CRACD: variants seen among roughly 807,000 people sequenced by gnomAD.
The protein encoded by CRACD is capping protein-inhibiting regulator of actin dynamics.
A neutral mutation model predicts 106.8 loss-of-function variants in CRACD; 56 were observed. That is an observed-to-expected ratio of 0.52 (90% CI 0.42 to 0.66). The LOEUF is 0.66. Ranked by LOEUF, CRACD falls within the 30% of genes least tolerant of loss-of-function variation. CRACD has a pLI of 0.00. For synonymous variants in CRACD, 754 were observed against 670.8 expected (o/e 1.12, Z -1.92); for missense variants, 1,730 against 1,623.2 (o/e 1.07, Z -1.13).
Position 56,267,313 on chromosome 4 carries a change from G to C in CRACD, c.-188-5008G>C, listed in dbSNP as rs544667502. 8.0e-4 allele frequency among the ~76,000 whole-genome samples: 121 copies of C among 151,956 alleles called. No homozygotes were observed. The South Asian group carries it at 8.9e-3, about 11-fold the overall frequency. Reference sequence around the variant, plus strand: ...TTTTTTTTGTATTTTTAGTAGAGACGGTGTTTCACGATGTTGGCCAGGCTG... The same window carrying C: ...TTTTTTTTGTATTTTTAGTAGAGACCGTGTTTCACGATGTTGGCCAGGCTG... On this transcript the variant is annotated intron_variant, in intron 2 of 10. Coordinates refer to ENST00000682029, the MANE Select transcript of CRACD (RefSeq NM_001393381.1).
At chr4:56,257,801 G>C (rs4865085) in intron 2 of CRACD, among the ~76,000 whole-genome samples, 49,548 of 152,044 alleles carry the variant, frequency 0.33, 9,104 homozygotes, top group Middle Eastern at 0.48. Context: ...GCCGGCCATG[G>C]TGGCTCACGC....
At chr4:56,095,658 G>A (rs1047064921) in intron 1 of CRACD, among the ~76,000 whole-genome samples, 13 of 152,164 alleles carry the variant, frequency 8.5e-5, no homozygotes, top group African/African-American at 2.9e-4. Flanking sequence ...AGTGGTAGAA[G>A]ATGAGGTAAC....
At position 56,327,662 on chromosome 4, in the gene CRACD, C is replaced by T; in HGVS notation, c.3560C>T (p.Ala1187Val). The change falls in exon 11 of 11, where the codon GCT (alanine) becomes GTT (valine). Residue 1187 changes from alanine (A) to valine (V), a missense_variant. By Grantham distance (64) the Ala-to-Val change is moderately conservative. Transcript: ENST00000682029. Reference sequence around the variant, plus strand: ...AATCCAGTGGAGATCTCCGACTCGGCTCCCCCAGCGCCGCTGGTAAAAGAA... The same window carrying T: ...AATCCAGTGGAGATCTCCGACTCGGTTCCCCCAGCGCCGCTGGTAAAAGAA... ...TSVTVEISDSAPPAPLVKEVT... is the reference protein window; with the variant it reads ...TSVTVEISDSVPPAPLVKEVT... 1 of 1,613,268 alleles carries T rather than the reference C, an allele frequency of 6.2e-7. No homozygotes were observed. Among genetic ancestry groups the T allele is most frequent in the Non-Finnish European group, 8.5e-7 (1 of 1,179,596 alleles).
intron 3 of CRACD, among the ~76,000 whole-genome samples, chr4:56,285,727 C>T (rs921041280): frequency 6.6e-6 from 1 of 152,114 alleles, no homozygotes; most frequent in Non-Finnish European, 1.5e-5. Flanking sequence ...ATTATAGGTG[C>T]CCAGCACTGC....
At chr4:56,072,419 A>T (rs1732690370) in intron 1 of CRACD, among the ~76,000 whole-genome samples, 1 of 152,164 alleles carries the variant, frequency 6.6e-6, no homozygotes, top group South Asian at 2.1e-4. Flanking sequence ...AGAGACAAAA[A>T]TTTGCTTTAA....
rs770651485 is a variant in CRACD, at chr4:56,315,215, G to C, written c.1713G>C (p.Gln571His). 2 of 1,594,160 alleles carry C rather than the reference G, an allele frequency of 1.3e-6. No homozygotes were observed. The highest frequency in any genetic ancestry group is 2.3e-5 in the South Asian group (2 of 88,484). Reference protein sequence around the residue: ...AKDTGLTAAPQEPKAPKASPV... With the variant: ...AKDTGLTAAPHEPKAPKASPV... ...ACACGGGGCTCACCGCTGCTCCCCA[G>C]GAACCAAAGGCCCCCAAAGCCAGCC... The change falls in exon 8 of 11, where the codon CAG (glutamine) becomes CAC (histidine). Residue 571 changes from glutamine to histidine, a missense_variant. Gln to His is a conservative substitution (Grantham distance 24). Coordinates refer to ENST00000682029, the MANE Select transcript of CRACD (RefSeq NM_001393381.1). This position sits in a 1 kb window ranked among gnomAD's most constrained non-coding sequence, Gnocchi z 4.1.
chr4:56,067,892 A>G (rs565752935), intron 1 of CRACD, among the ~76,000 whole-genome samples: 1 of 151,764 alleles, frequency 6.6e-6, no homozygotes, highest in Non-Finnish European at 1.5e-5. Flanking sequence ...TTCATTTTTC[A>G]GACCAAATGG....
chr4:56,050,089 C>G (rs1203107719), intron 1 of CRACD: 1 of 150,220 alleles, frequency 6.7e-6, no homozygotes, highest in African/African-American at 2.5e-5. Context: ...AATATGTGTT[C>G]TTGAGTTAGA....
chr4:56,070,462 G>A (rs1732605757), intron 1 of CRACD, among the ~76,000 whole-genome samples: 2 of 152,108 alleles, frequency 1.3e-5, no homozygotes, highest in Admixed American at 1.3e-4. Flanking sequence ...ATCGCATCCG[G>A]CTAATTTTTT....
intron 1 of CRACD, among the ~76,000 whole-genome samples, chr4:56,111,413 T>C (rs1230498984): frequency 2.0e-5 from 3 of 152,170 alleles, no homozygotes; most frequent in African/African-American, 7.2e-5. Flanking sequence ...CATATAGAAC[T>C]ACTTGATTCT....
chr4:56,174,582 G>C (rs1420645470), intron 1 of CRACD, among the ~76,000 whole-genome samples: 1 of 152,136 alleles, frequency 6.6e-6, no homozygotes, highest in African/African-American at 2.4e-5. Context: ...CTAATGTCTA[G>C]TTCCATCCAT....
chr4:56,084,328 A>G (rs1470632802), intron 1 of CRACD, among the ~76,000 whole-genome samples: 2 of 152,124 alleles, frequency 1.3e-5, no homozygotes, highest in Non-Finnish European at 2.9e-5. Flanking sequence ...TTTTCTAAAA[A>G]AATTCTTATA....
At chr4:56,270,541 G>A (rs769769382) in intron 2 of CRACD, among the ~76,000 whole-genome samples, 1 of 152,080 alleles carries the variant, frequency 6.6e-6, no homozygotes, top group Non-Finnish European at 1.5e-5. Context: ...GTATCTGTGC[G>A]TTTTGTGCAG....
At chr4:56,258,201 T>C (rs996769050) in intron 2 of CRACD, among the ~76,000 whole-genome samples, 1 of 152,250 alleles carries the variant, frequency 6.6e-6, no homozygotes, top group Admixed American at 6.5e-5. Context: ...TTCCTTTCTA[T>C]TGATTCCAAG....
chr4:56,068,464 T>C (rs2109793445), intron 1 of CRACD, among the ~76,000 whole-genome samples: 1 of 152,264 alleles, frequency 6.6e-6, no homozygotes, highest in South Asian at 2.1e-4. Context: ...AGGCAGACTT[T>C]GGAGGGTTTT....
chr4:56,235,257 A>G (rs1415021207), intron 2 of CRACD, among the ~76,000 whole-genome samples: 2 of 152,218 alleles, frequency 1.3e-5, no homozygotes, highest in Non-Finnish European at 2.9e-5. Flanking sequence ...GCTTTCATCA[A>G]AAACAGATAA....
chr4:56,240,605 A>T (rs1182765734), intron 2 of CRACD, among the ~76,000 whole-genome samples: 2 of 152,126 alleles, frequency 1.3e-5, no homozygotes, highest in African/African-American at 4.8e-5. Context: ...CCTGAGTTCA[A>T]GTGATCCTTC....
chr4:56,276,489 A>C (rs886254451), intron 3 of CRACD, among the ~76,000 whole-genome samples: 2 of 152,196 alleles, frequency 1.3e-5, no homozygotes, highest in African/African-American at 2.4e-5. Context: ...CACTAATTGA[A>C]GTTATTACAG....
intron 1 of CRACD, among the ~76,000 whole-genome samples, chr4:56,162,371 G>T (rs959041077): frequency 3.3e-5 from 5 of 151,712 alleles, no homozygotes; most frequent in Non-Finnish European, 5.9e-5. Context: ...AATTCTTGTG[G>T]TTTTTTTGTT....
Sources: gnomAD v4.1 joint callset for allele counts (sites outside exome capture counted in the v4.1 genomes callset) on GRCh38, gnomAD v4.1.1 for gene constraint, Gnocchi (gnomAD v3.1) non-coding constraint, MANE v1.5 for transcripts, NCBI Gene and HGNC (gene_info 2026-07-23, HGNC 2026-07-21) for gene names.